JAG1: variants seen among roughly 807,000 people sequenced by gnomAD.
JAG1 encodes jagged canonical Notch ligand 1, also known as protein jagged-1.
JAG1 carries 23 observed loss-of-function variants against 148.7 expected under a neutral mutation model. That is an observed-to-expected ratio of 0.15 (90% CI 0.11 to 0.22). The LOEUF (loss-of-function observed/expected upper bound fraction) is 0.22, where lower values mean the gene tolerates loss of function less well. JAG1 is among the 10% of genes least tolerant of loss of function. JAG1 has a pLI of 1.00. For missense variants in JAG1, 1,054 were observed against 1,611.2 expected (o/e 0.65, Z 5.92); for synonymous variants, 572 against 598.3 (o/e 0.96, Z 0.64).
chr20:10,655,161 A>G (rs558189422), intron 5 of JAG1, among the ~76,000 whole-genome samples: 24 of 152,342 alleles, frequency 1.6e-4, no homozygotes, highest in African/African-American at 5.5e-4. Context: ...ATTTAGTTCC[A>G]TGTTCCCCCT....
intron 2 of JAG1, among the ~76,000 whole-genome samples, chr20:10,669,404 A>G (rs1013176981): frequency 6.6e-6 from 1 of 151,968 alleles, no homozygotes; most frequent in African/African-American, 2.4e-5. Context: ...GGACTGGAAA[A>G]GACAGCAAAA....
chr20:10,647,352 A>G (rs147851682), intron 13 of JAG1: 3 of 554,490 alleles, frequency 5.4e-6, no homozygotes, highest in African/African-American at 3.8e-5. Context: ...ATGCTTGTGG[A>G]TCCCCTTCAT....
rs182041278 is a variant in JAG1 at position 10,645,521 on chromosome 20, C to G, written c.2000-52G>C. The G allele has an allele frequency of 1.2e-5, 18 of 1,449,574 alleles. No individual in the cohort carries two copies. The African/African-American group carries it at 2.2e-4, about 18-fold the overall frequency. 89.8% of individuals were successfully genotyped at this position (1,449,574 alleles called of 1,614,324 possible). On this transcript the variant is annotated intron_variant, in intron 15 of 25. Coordinates refer to ENST00000254958, the MANE Select transcript of JAG1 (RefSeq NM_000214.3). This position sits in a 1 kb window ranked among gnomAD's most constrained non-coding sequence, Gnocchi z 6.1. ...TGAAGACGAGATCCAGGACCATTCA[C>G]GACAGGCGAGAGCCAAGCCTTTCCT... is the stretch of plus-strand genomic sequence containing the variant.
chr20:10,648,813 G>T (rs562121103), intron 11 of JAG1, 91 bp from the exon 12 acceptor site: 2 of 1,272,168 alleles, frequency 1.6e-6, no homozygotes, highest in Non-Finnish European at 2.3e-6. Flanking sequence ...TGACTGTTGC[G>T]GTTTAGCTGG....
Position 10,638,291 on chromosome 20 carries a change from TA to T in JAG1, c.*1206del, listed in dbSNP as rs34134142. ...AGAATACTCCCTAAATGCAGTAGAT[TA>T]AAAAAAAAAATCAAATCTACAAGTG... is the stretch of plus-strand genomic sequence containing the variant. On this transcript the variant is annotated 3_prime_UTR_variant, in exon 26 of 26. Coordinates refer to ENST00000254958, the MANE Select transcript of JAG1 (RefSeq NM_000214.3). 52,581 of 150,420 alleles carry T rather than the reference TA, an allele frequency of 0.35. 9,310 individuals are homozygous for T. Among genetic ancestry groups the T allele is most frequent in the Admixed American group, 0.44 (6,610 of 15,070 alleles). The allele number at this position is 150,420 out of a possible 1,614,324, so 9.3% of individuals were successfully genotyped here. A position where few individuals can be genotyped will look rare whatever the true frequency, so the allele number is the denominator to read the frequency against.
chr20:10,657,777 T>C (rs533171973), intron 4 of JAG1, among the ~76,000 whole-genome samples: 22 of 152,170 alleles, frequency 1.4e-4, no homozygotes, highest in African/African-American at 5.3e-4. Flanking sequence ...CCTACACCAA[T>C]AGGAAAGCTT....
chr20:10,643,949 C>T (rs1320748975), intron 19 of JAG1, 86 bp from the exon 20 acceptor site: 1 of 983,466 alleles, frequency 1.0e-6, no homozygotes, highest in Non-Finnish European at 1.6e-6. Context: ...ACACCAGTTA[C>T]AGTCAGTGGC....
chr20:10,673,408 G>T lies in JAG1; in HGVS notation c.81+42C>A. ...ACCGCCCAGGGCGCCGCGAGGGGAGGGAGAGGACGGCTGGGAGGGAGGCCC... is the reference window on the plus strand; with the variant it reads ...ACCGCCCAGGGCGCCGCGAGGGGAGTGAGAGGACGGCTGGGAGGGAGGCCC... On this transcript the variant is annotated intron_variant, in intron 1 of 25. Coordinates refer to ENST00000254958, the MANE Select transcript of JAG1 (RefSeq NM_000214.3). The surrounding 1 kb of genome is among the most constrained non-coding windows in gnomAD (Gnocchi z 4.7). The T allele has an allele frequency of 7.4e-7, 1 of 1,355,798 alleles. No individual in the cohort carries two copies. Among genetic ancestry groups the T allele is most frequent in the Non-Finnish European group, 9.8e-7 (1 of 1,019,464 alleles). 84.0% of individuals were successfully genotyped at this position (1,355,798 alleles called of 1,614,324 possible). A position where few individuals can be genotyped will look rare whatever the true frequency, so the allele number is the denominator to read the frequency against.
intron 3 of JAG1, among the ~76,000 whole-genome samples, chr20:10,660,676 T>C (rs141712228): frequency 6.6e-6 from 1 of 152,190 alleles, no homozygotes; most frequent in Admixed American, 6.5e-5. Flanking sequence ...TGGAGCTGCA[T>C]ACATAATTTC....
In JAG1 at chr20:10,648,183, G is replaced by C. The variant is rs56039205; in HGVS notation, c.1570-73C>G. ...AAAGGTGTCACGATAACTTCTCTGG[G>C]GCAGCAGGCACTGGAATCTGACAGT... On this transcript the variant is annotated intron_variant, in intron 12 of 25. Transcript: ENST00000254958. 17,103 of 1,561,244 alleles carry C rather than the reference G, an allele frequency of 0.011. 151 individuals carry two copies. Among genetic ancestry groups the C allele is most frequent in the South Asian group, 0.019 (1,674 of 89,494 alleles).
rs1478083627 is a variant in JAG1 at position 10,639,693 on chromosome 20, A to G, written c.3462T>C (p.Ser1154=). 1 of 1,614,226 alleles carries G rather than the reference A, an allele frequency of 6.2e-7. No individual in the cohort carries two copies. The highest frequency in any genetic ancestry group is 2.2e-5 in the East Asian group (1 of 44,884). The change falls in exon 26 of 26, where the codon TCT becomes TCC. Residue 1154 remains serine, a synonymous_variant. Transcript: ENST00000254958. ...TGTCCATGTCGTCCTCTTCTACTTC[A>G]GAATTGTGTGTCCTTATTTTAGACA... ...SKMSKIRTHN[S]EVEEDDMDKH... is the part of the protein sequence containing the mutation.
At chr20:10,640,710 C>T (rs758959342) in intron 25 of JAG1, 73 bp downstream of exon 25, 83 of 1,517,104 alleles carry the variant, frequency 5.5e-5, no homozygotes, top group Middle Eastern at 1.7e-4. Context: ...ATCCCTCGAC[C>T]TGATGGCTTT....
chr20:10,662,752 C>A (rs1318693545), intron 3 of JAG1, among the ~76,000 whole-genome samples: 7 of 152,054 alleles, frequency 4.6e-5, no homozygotes, highest in Non-Finnish European at 5.9e-5. Context: ...CCACACACAC[C>A]CCCCCACGGC....
chr20:10,667,076 C>G (rs1274943952), intron 2 of JAG1, among the ~76,000 whole-genome samples: 1 of 152,236 alleles, frequency 6.6e-6, no homozygotes, highest in East Asian at 1.9e-4. Context: ...GTGTTGGCAG[C>G]CGGGAGCTTC....
At chr20:10,646,870 C>CCAGGGGCAGAGG (rs1392674113) in intron 14 of JAG1, 69 bp downstream of exon 14, 39 of 1,463,464 alleles carry the variant, frequency 2.7e-5, no homozygotes, top group African/African-American at 4.2e-5. Flanking sequence ...CCAGGGTGGG[C>CCAGGGGCAGAGG]CAGGGGCAGA....
rs564566567 is a variant in JAG1, at chr20:10,643,817, C to T, written c.2419G>A (p.Glu807Lys). 5.6e-6 allele frequency: 9 copies of T among 1,614,066 alleles called. No individual in the cohort carries two copies. The highest frequency in any genetic ancestry group is 1.7e-5 in the Admixed American group (1 of 60,024). The change falls in exon 20 of 26, where the codon GAA becomes AAA. Residue 807 changes from glutamate (E) to lysine (K), a missense_variant. This residue lies in a region of JAG1 where 342 missense variants were observed against 514.6 expected (regional missense o/e 0.66). Coordinates refer to ENST00000254958, the MANE Select transcript of JAG1 (RefSeq NM_000214.3). ...CVDGDNWYRCECAPGFAGPDC... is the reference protein window; with the variant it reads ...CVDGDNWYRCKCAPGFAGPDC... ...GGCCCAGCAAAACCCGGGGCACATT[C>T]GCACCGGTACCAGTTGTCTCCATCC... is the stretch of plus-strand genomic sequence containing the variant.
rs1041371238 is a variant in JAG1, at chr20:10,640,749, A to G, written c.3199+34T>C. On this transcript the variant is annotated intron_variant, in intron 25 of 25. Coordinates refer to ENST00000254958, the MANE Select transcript of JAG1 (RefSeq NM_000214.3). ...GAATAGTATAATGAGATCATCTACT[A>G]TCATCACACAAACTAGTCCCACTTG... 5.0e-6 allele frequency: 8 copies of G among 1,608,394 alleles called. No homozygotes were observed. The African/African-American group carries it at 5.3e-5, about 11-fold the overall frequency.
At chr20:10,659,296 C>A (rs2067398551) in intron 3 of JAG1, among the ~76,000 whole-genome samples, 1 of 152,248 alleles carries the variant, frequency 6.6e-6, no homozygotes, top group African/African-American at 2.4e-5. Flanking sequence ...CTGGTAGTTA[C>A]AAAACCATTT....
intron 7 of JAG1, 133 bp downstream of exon 7, chr20:10,651,998 A>G: frequency 9.7e-7 from 1 of 1,033,028 alleles, no homozygotes; most frequent in Non-Finnish European, 1.5e-6. Context: ...GGCTTATAGA[A>G]TGGTTGGGAT....
Sources: allele counts gnomAD v4.1 joint callset (sites outside exome capture counted in the v4.1 genomes callset), GRCh38; gene constraint gnomAD v4.1.1; regional missense constraint gnomAD v4.1.1; non-coding constraint Gnocchi (gnomAD v3.1); transcripts MANE v1.5; gene names NCBI Gene and HGNC (gene_info 2026-07-23, HGNC 2026-07-21).